NRXN3: variants seen among roughly 807,000 people sequenced by gnomAD.
The protein encoded by NRXN3 is neurexin 3.
In NRXN3, 32 loss-of-function variants were observed where a neutral mutation model predicts 137.6. The ratio of observed to expected loss-of-function variants is 0.23; its 90% CI spans 0.18 to 0.31. NRXN3 has a LOEUF of 0.31. Ranked by LOEUF, NRXN3 falls within the 10% of genes least tolerant of loss-of-function variation. The pLI, the probability that NRXN3 is intolerant of heterozygous loss-of-function variation, is 1.00. For missense variants in NRXN3, 1,574 were observed against 2,062.5 expected, an observed-to-expected ratio of 0.76 and a Z score of 4.59; for synonymous variants, 798 against 784.5, an observed-to-expected ratio of 1.02 and a Z score of -0.29.
At chr14:79,703,010 T>C (rs2098761332) in intron 19 of NRXN3, among the ~76,000 whole-genome samples, 1 of 151,990 alleles carries the variant, frequency 6.6e-6, no homozygotes, top group Admixed American at 6.6e-5. Context: ...GATCATGACA[T>C]ACTTTTTCTG....
intron 15 of NRXN3, among the ~76,000 whole-genome samples, chr14:79,359,500 T>C (rs1312242476): frequency 6.6e-6 from 1 of 152,100 alleles, no homozygotes; most frequent in Non-Finnish European, 1.5e-5. Context: ...AATGTAGGTT[T>C]TTCTATTCTG....
intron 15 of NRXN3, among the ~76,000 whole-genome samples, chr14:79,392,580 CAT>C (rs1443930359): frequency 6.6e-6 from 1 of 152,038 alleles, no homozygotes; most frequent in Non-Finnish European, 1.5e-5. Flanking sequence ...TGCCAACAAA[CAT>C]ATGAAAAAAG....
chr14:79,126,245 T>A (rs1391973785), intron 15 of NRXN3, among the ~76,000 whole-genome samples: 1 of 152,162 alleles, frequency 6.6e-6, no homozygotes, highest in Non-Finnish European at 1.5e-5. Context: ...TACCTATGTA[T>A]ACATGTGCCG....
At chr14:79,454,932 C>T (rs1600551762) in intron 15 of NRXN3, among the ~76,000 whole-genome samples, 1 of 151,994 alleles carries the variant, frequency 6.6e-6, no homozygotes, top group African/African-American at 2.4e-5. Context: ...TCTAATATAC[C>T]ATTGAAATGC....
intron 1 of NRXN3, among the ~76,000 whole-genome samples, chr14:78,223,205 A>C (rs1380585755): frequency 2.0e-5 from 3 of 152,224 alleles, no homozygotes; most frequent in African/African-American, 4.8e-5. Flanking sequence ...GGGAGGCTGA[A>C]GCATTCATTC....
chr14:79,566,588 A>C (rs975805662), intron 16 of NRXN3, among the ~76,000 whole-genome samples: 1 of 152,144 alleles, frequency 6.6e-6, no homozygotes, highest in Non-Finnish European at 1.5e-5. Context: ...GAGTCATACA[A>C]CCATAAATGC....
At chr14:79,617,245 C>G (rs553434747) in intron 16 of NRXN3, among the ~76,000 whole-genome samples, 1 of 152,116 alleles carries the variant, frequency 6.6e-6, no homozygotes, top group South Asian at 2.1e-4. Flanking sequence ...GGTTGTATGC[C>G]TGTAGAATAC....
At chr14:79,815,352 T>C (rs559499255) in intron 20 of NRXN3, among the ~76,000 whole-genome samples, 2 of 152,216 alleles carry the variant, frequency 1.3e-5, no homozygotes, top group Non-Finnish European at 2.9e-5. Flanking sequence ...GATTATTCAA[T>C]AGGCCTAAAG....
intron 15 of NRXN3, among the ~76,000 whole-genome samples, chr14:79,067,966 G>A (rs943419954): frequency 6.6e-6 from 1 of 151,968 alleles, no homozygotes; most frequent in Non-Finnish European, 1.5e-5. Flanking sequence ...CAGACATGAG[G>A]CTATGAATAT....
chr14:78,667,934 C>T (rs1426187018), intron 6 of NRXN3, among the ~76,000 whole-genome samples: 1 of 152,108 alleles, frequency 6.6e-6, no homozygotes, highest in East Asian at 1.9e-4. Flanking sequence ...CAAGCGCCCG[C>T]CACCACGCCC....
intron 4 of NRXN3, among the ~76,000 whole-genome samples, chr14:78,541,259 C>T (rs1032573350): frequency 9.2e-5 from 14 of 152,198 alleles, no homozygotes; most frequent in African/African-American, 2.4e-4. Context: ...ACCAATCAGA[C>T]GTAGATTTGG....
intron 8 of NRXN3, among the ~76,000 whole-genome samples, chr14:78,765,405 G>A (rs1019714670): frequency 6.6e-6 from 1 of 152,022 alleles, no homozygotes; most frequent in Non-Finnish European, 1.5e-5. Flanking sequence ...CGCCTGCCTC[G>A]GCCTCCCAAA....
At chr14:78,221,588 G>A (rs138673087) in intron 1 of NRXN3, among the ~76,000 whole-genome samples, 47 of 152,294 alleles carry the variant, frequency 3.1e-4, no homozygotes, top group Middle Eastern at 3.4e-3. Context: ...TGGATGATAC[G>A]CAATAGTAAG....
intron 15 of NRXN3, among the ~76,000 whole-genome samples, chr14:79,021,738 T>G (rs1187513014): frequency 6.6e-6 from 1 of 152,210 alleles, no homozygotes; most frequent in Non-Finnish European, 1.5e-5. Context: ...TGGCAGTGCC[T>G]AAACACCGGA....
chr14:78,676,357 A>G (rs1347022092), intron 6 of NRXN3, among the ~76,000 whole-genome samples: 1 of 152,160 alleles, frequency 6.6e-6, no homozygotes, highest in Admixed American at 6.6e-5. Context: ...ATGAATGATA[A>G]GAAAGTAAAA....
intron 4 of NRXN3, among the ~76,000 whole-genome samples, chr14:78,639,104 A>T (rs1385149905): frequency 1.3e-5 from 2 of 152,156 alleles, no homozygotes; most frequent in African/African-American, 2.4e-5. Flanking sequence ...ACAGAGAGTA[A>T]ATGAGTTCAC....
intron 19 of NRXN3, among the ~76,000 whole-genome samples, chr14:79,741,123 A>T (rs924789224): frequency 1.8e-4 from 28 of 152,170 alleles, no homozygotes; most frequent in African/African-American, 2.4e-5. Flanking sequence ...TTCTTAAAAA[A>T]TAAAAATATC....
chr14:79,831,806 T>C (rs1300672608), intron 20 of NRXN3, among the ~76,000 whole-genome samples: 3 of 152,190 alleles, frequency 2.0e-5, no homozygotes, highest in Non-Finnish European at 2.9e-5. Flanking sequence ...AGATCAGTTT[T>C]GCAGTTCAGA....
intron 8 of NRXN3, among the ~76,000 whole-genome samples, chr14:78,718,118 A>G (rs180937182): frequency 3.9e-5 from 6 of 152,308 alleles, no homozygotes; most frequent in Middle Eastern, 3.4e-3. Context: ...CATCAACACA[A>G]TCACTCAGTT....
Sources: allele counts gnomAD v4.1 joint callset (sites outside exome capture counted in the v4.1 genomes callset), GRCh38; gene constraint gnomAD v4.1.1; transcripts MANE v1.5; gene names NCBI Gene and HGNC (gene_info 2026-07-23, HGNC 2026-07-21).